DTNA: variants seen among roughly 807,000 people sequenced by gnomAD.
DTNA encodes the protein dystrophin-related protein 3.
DTNA carries 43 observed loss-of-function variants against 100.7 expected under a neutral mutation model. The observed-to-expected ratio is 0.43, with a 90% confidence interval of 0.33 to 0.55. The LOEUF (loss-of-function observed/expected upper bound fraction) is 0.55, where lower values mean the gene tolerates loss of function less well. Among genes scored for constraint, DTNA ranks in the 20% least tolerant of loss-of-function variants. DTNA has a pLI of 0.04. For missense variants in DTNA, 798 were observed against 953.9 expected (o/e 0.84, Z 2.15); for synonymous variants, 349 against 347.9 (o/e 1.00, Z -0.04).
chr18:34,611,862 G>A (rs16965664), intron 1 of DTNA, among the ~76,000 whole-genome samples: 10,202 of 152,216 alleles, frequency 0.067, 421 homozygotes, highest in African/African-American at 0.079. Context: ...TGGCAGAGGG[G>A]TCTCGGGCAT....
At chr18:34,722,050 A>T (rs559304023) in intron 1 of DTNA, among the ~76,000 whole-genome samples, 1 of 152,250 alleles carries the variant, frequency 6.6e-6, no homozygotes, top group East Asian at 1.9e-4. Context: ...ACTCCTTCCT[A>T]AAATGTTTAA....
At chr18:34,578,765 T>A (rs1268002477) in intron 1 of DTNA, among the ~76,000 whole-genome samples, 1 of 152,190 alleles carries the variant, frequency 6.6e-6, no homozygotes, top group Non-Finnish European at 1.5e-5. Context: ...TTGTCAACGA[T>A]CAGTTGGCTA....
intron 3 of DTNA, among the ~76,000 whole-genome samples, chr18:34,789,100 C>G (rs1363185067): frequency 6.6e-6 from 1 of 151,934 alleles, no homozygotes; most frequent in Admixed American, 6.6e-5. Flanking sequence ...CAGTTATTTC[C>G]AGAGCCAGGA....
intron 1 of DTNA, among the ~76,000 whole-genome samples, chr18:34,614,317 G>A (rs555293983): frequency 2.2e-4 from 34 of 152,242 alleles, no homozygotes; most frequent in African/African-American, 6.3e-4. Context: ...GATTCATGTC[G>A]TTTTCATGCT....
At chr18:34,667,864 G>A (rs1024600738) in intron 1 of DTNA, among the ~76,000 whole-genome samples, 2 of 152,168 alleles carry the variant, frequency 1.3e-5, no homozygotes, top group Admixed American at 6.5e-5. Flanking sequence ...ATGTTCATCA[G>A]GGATATTGGT....
intron 1 of DTNA, among the ~76,000 whole-genome samples, chr18:34,614,754 A>C (rs1271461842): frequency 6.6e-6 from 1 of 152,232 alleles, no homozygotes; most frequent in Non-Finnish European, 1.5e-5. Flanking sequence ...TGAGCAAAGG[A>C]AGTGGTTTCA....
intron 1 of DTNA, among the ~76,000 whole-genome samples, chr18:34,545,271 G>T (rs2044657025): frequency 6.6e-6 from 1 of 152,082 alleles, no homozygotes; most frequent in African/African-American, 2.4e-5. Flanking sequence ...GGATCTGGAA[G>T]TCCCAATTAA....
intron 1 of DTNA, among the ~76,000 whole-genome samples, chr18:34,538,115 C>A (rs12954211): frequency 0.074 from 11,202 of 152,026 alleles, 515 homozygotes; most frequent in African/African-American, 0.1. Flanking sequence ...AGCTACGCTC[C>A]GCAAAATGGT....
chr18:34,494,478 A>G (rs2038960696), intron 1 of DTNA, among the ~76,000 whole-genome samples: 1 of 152,080 alleles, frequency 6.6e-6, no homozygotes, highest in South Asian at 2.1e-4. Flanking sequence ...TCGTTCTGGT[A>G]TCCGGAGTGG....
intron 3 of DTNA, among the ~76,000 whole-genome samples, chr18:34,774,770 T>C (rs144680850): frequency 4.6e-5 from 7 of 152,330 alleles, no homozygotes; most frequent in South Asian, 2.1e-4. Flanking sequence ...AAGTTGGTAA[T>C]AGAAAAGTGG....
intron 1 of DTNA, among the ~76,000 whole-genome samples, chr18:34,620,421 G>C (rs1238154313): frequency 6.6e-6 from 1 of 152,176 alleles, no homozygotes; most frequent in African/African-American, 2.4e-5. Flanking sequence ...AAGTTACAGA[G>C]AATGAAGAGA....
intron 11 of DTNA, among the ~76,000 whole-genome samples, chr18:34,831,440 G>T (rs1355129663): frequency 6.6e-6 from 1 of 152,172 alleles, no homozygotes; most frequent in Non-Finnish European, 1.5e-5. Context: ...GCTAGTTTCT[G>T]GTTTGCTGCA....
chr18:34,870,583 T>C lies in DTNA; in HGVS notation c.1744-4656T>C, dbSNP rs9949637. Reference sequence around the variant, plus strand: ...ATAATTAATTCTAAGTAAGTAAATATTATTTCTCTGCTTAAAAACCTAGGA... The same window carrying C: ...ATAATTAATTCTAAGTAAGTAAATACTATTTCTCTGCTTAAAAACCTAGGA... On this transcript the variant is annotated intron_variant, in intron 17 of 22. Coordinates refer to ENST00000444659, the MANE Select transcript of DTNA (RefSeq NM_001386795.1). Among the ~76,000 whole-genome samples the C allele has an allele frequency of 7.0e-3, 1,070 of 152,314 alleles. 17 individuals carry two copies. Among genetic ancestry groups the C allele is most frequent in the African/African-American group, 0.025 (1,021 of 41,560 alleles).
chr18:34,765,287 G>A (rs557240655), intron 2 of DTNA, among the ~76,000 whole-genome samples: 25 of 152,276 alleles, frequency 1.6e-4, no homozygotes, highest in African/African-American at 5.8e-4. Flanking sequence ...TAAAAGAAAG[G>A]TTGTTTTAGA....
chr18:34,751,990 G>A (rs1192374584), intron 1 of DTNA, among the ~76,000 whole-genome samples: 1 of 152,164 alleles, frequency 6.6e-6, no homozygotes, highest in African/African-American at 2.4e-5. Flanking sequence ...ATAATTTGTG[G>A]GACTGAGCTT....
At chr18:34,695,027 G>A (rs886209703) in intron 1 of DTNA, among the ~76,000 whole-genome samples, 1 of 152,094 alleles carries the variant, frequency 6.6e-6, no homozygotes, top group Non-Finnish European at 1.5e-5. Flanking sequence ...TATTCCCACG[G>A]CACTTTGAAT....
At chr18:34,515,203 A>T (rs557479936) in intron 1 of DTNA, among the ~76,000 whole-genome samples, 1 of 152,028 alleles carries the variant, frequency 6.6e-6, no homozygotes, top group Admixed American at 6.5e-5. Flanking sequence ...TAGTAAGCTC[A>T]CTGGTTTTGT....
At chr18:34,629,386 C>T (rs987017251) in intron 1 of DTNA, among the ~76,000 whole-genome samples, 1 of 152,216 alleles carries the variant, frequency 6.6e-6, no homozygotes. Context: ...GTGGTTGAGA[C>T]TTGGGAAAAC....
intron 1 of DTNA, among the ~76,000 whole-genome samples, chr18:34,610,437 C>G (rs918637826): frequency 2.0e-5 from 3 of 152,126 alleles, no homozygotes; most frequent in African/African-American, 7.2e-5. Context: ...AGTCCAGAAA[C>G]TTTATGACTT....
Sources: gnomAD v4.1 joint callset for allele counts (sites outside exome capture counted in the v4.1 genomes callset) on GRCh38, gnomAD v4.1.1 for gene constraint, MANE v1.5 for transcripts, NCBI Gene and HGNC (gene_info 2026-07-23, HGNC 2026-07-21) for gene names.